TRPC3: variants seen among roughly 807,000 people sequenced by gnomAD.
The protein encoded by TRPC3 is short transient receptor potential channel 3.
In TRPC3, 54 loss-of-function variants were observed where a neutral mutation model predicts 90.9. That is an observed-to-expected ratio of 0.59 (90% CI 0.48 to 0.75). The LOEUF (loss-of-function observed/expected upper bound fraction) is 0.75. TRPC3 is among the 30% of genes least tolerant of loss of function. The probability of loss-of-function intolerance (pLI) is 0.00; values close to 1 mark genes in which losing one functional copy is unlikely to be tolerated. For missense variants in TRPC3, 918 were observed against 1,194.5 expected (o/e 0.77, Z 3.41); for synonymous variants, 424 against 450.9 (o/e 0.94, Z 0.75).
At chr4:121,882,749 A>T (rs1175404404) in intron 10 of TRPC3, among the ~76,000 whole-genome samples, 1 of 152,122 alleles carries the variant, frequency 6.6e-6, no homozygotes, top group Non-Finnish European at 1.5e-5. Context: ...TTGACACCAC[A>T]TTATCACCCA....
intron 10 of TRPC3, among the ~76,000 whole-genome samples, chr4:121,898,941 T>TA (rs1171966711): frequency 6.6e-6 from 1 of 152,018 alleles, no homozygotes; most frequent in African/African-American, 2.4e-5. Context: ...AAAAATTGGA[T>TA]AAAAAATAGA....
chr4:121,931,678 T>A (rs17005309), intron 2 of TRPC3, among the ~76,000 whole-genome samples: 1 of 152,164 alleles, frequency 6.6e-6, no homozygotes, highest in Non-Finnish European at 1.5e-5. Flanking sequence ...CATTTTGTCA[T>A]ATCAGTGAAG....
intron 2 of TRPC3, among the ~76,000 whole-genome samples, chr4:121,926,238 T>C (rs970334860): frequency 1.3e-5 from 2 of 152,150 alleles, no homozygotes; most frequent in East Asian, 1.9e-4. Context: ...CTGTACAACT[T>C]TGGACTGGCT....
chr4:121,946,843 T>C (rs895366194), intron 1 of TRPC3, among the ~76,000 whole-genome samples: 6 of 152,140 alleles, frequency 3.9e-5, no homozygotes, highest in African/African-American at 1.2e-4. Flanking sequence ...CACAGTGAAA[T>C]TGCTATATAC....
chr4:121,893,974 C>G (rs1728421817), intron 10 of TRPC3, among the ~76,000 whole-genome samples: 1 of 152,050 alleles, frequency 6.6e-6, no homozygotes, highest in South Asian at 2.1e-4. Flanking sequence ...AATAGGTGCT[C>G]TCATATATTT....
chr4:121,935,806 G>C (rs1730112444), intron 1 of TRPC3, among the ~76,000 whole-genome samples: 1 of 152,028 alleles, frequency 6.6e-6, no homozygotes. Context: ...TTTAATGATT[G>C]CTATCTACAG....
chr4:121,932,574 C>T lies in TRPC3; in HGVS notation c.684G>A (p.Thr228=), dbSNP rs1160991895. Residue 228 remains threonine (T), a synonymous_variant, in exon 2 of 12, where the codon ACG becomes ACA. Transcript: ENST00000379645. The surrounding 1 kb of genome is among the most constrained non-coding windows in gnomAD (Gnocchi z 7.7). ...TGGGGGTGATGTCCGGCGAGAAGCG[C>T]GTGCCGTCCTCGTCGTAAGCGTAGA... ...DDFYAYDEDG[T]RFSPDITPII... is the part of the protein sequence containing the mutation. The T allele has an allele frequency of 6.2e-7, 1 of 1,614,220 alleles. No homozygotes were observed. Among genetic ancestry groups the T allele is most frequent in the Non-Finnish European group, 8.5e-7 (1 of 1,180,038 alleles).
intron 3 of TRPC3, among the ~76,000 whole-genome samples, chr4:121,924,404 G>C (rs1016095061): frequency 6.6e-6 from 1 of 152,116 alleles, no homozygotes. Context: ...TTGTACATGA[G>C]GGAACTGAAA....
At chr4:121,886,100 G>T (rs1179428195) in intron 10 of TRPC3, among the ~76,000 whole-genome samples, 1 of 152,146 alleles carries the variant, frequency 6.6e-6, no homozygotes, top group Non-Finnish European at 1.5e-5. Context: ...TTAAGACTGG[G>T]AGAAGAAATA....
intron 3 of TRPC3, among the ~76,000 whole-genome samples, chr4:121,915,845 T>C (rs1350959817): frequency 6.6e-6 from 1 of 152,170 alleles, no homozygotes; most frequent in Non-Finnish European, 1.5e-5. Context: ...ATCTGCCCAT[T>C]TGTAGCTAGA....
intron 1 of TRPC3, among the ~76,000 whole-genome samples, chr4:121,950,295 G>T (rs1192866092): frequency 1.3e-5 from 2 of 152,226 alleles, no homozygotes; most frequent in Non-Finnish European, 2.9e-5. Context: ...CGCGATCCTG[G>T]GGATGCAGGG....
At chr4:121,882,168 A>G (rs1455807939) in intron 11 of TRPC3, among the ~76,000 whole-genome samples, 186 bp downstream of exon 11, 1 of 152,134 alleles carries the variant, frequency 6.6e-6, no homozygotes, top group East Asian at 1.9e-4. Flanking sequence ...CCTCTGATCA[A>G]TATTGTAAAT....
At position 121,875,671 on chromosome 4, in the gene TRPC3, T is replaced by C. The variant is rs13110350; in HGVS notation, c.*4065A>G. The stretch of plus-strand genomic sequence containing the variant: ...AGTAATTTATAACCTTATGTTATGG[T>C]GCTAAAGCAACCATTATGAGTATAA... On this transcript the variant is annotated 3_prime_UTR_variant, in exon 12 of 12. Coordinates refer to ENST00000379645, the MANE Select transcript of TRPC3 (RefSeq NM_001130698.2). 6.6e-6 allele frequency among the ~76,000 whole-genome samples: 1 copy of C among 151,782 alleles called. No homozygotes were observed. Among genetic ancestry groups the C allele is most frequent in the Non-Finnish European group, 1.5e-5 (1 of 67,876 alleles).
At chr4:121,915,397 A>T (rs1335518311) in intron 3 of TRPC3, among the ~76,000 whole-genome samples, 1 of 152,248 alleles carries the variant, frequency 6.6e-6, no homozygotes, top group Non-Finnish European at 1.5e-5. Context: ...AGCAACCCCT[A>T]AAATGCTACA....
rs543577460 is a variant in TRPC3 at position 121,949,610 on chromosome 4, A to C, written c.215+1856T>G. Among the ~76,000 whole-genome samples the C allele has an allele frequency of 1.4e-4, 21 of 152,320 alleles. No homozygotes were observed. The East Asian group carries it at 4.1e-3, about 29-fold the overall frequency. On this transcript the variant is annotated intron_variant, in intron 1 of 11. Transcript: ENST00000379645. Reference sequence around the variant, plus strand: ...GTTACAGAGATCAAGCTAGTCTCCGATGTTACCAAGTGACAGGCCTGAAAT... The same window carrying C: ...GTTACAGAGATCAAGCTAGTCTCCGCTGTTACCAAGTGACAGGCCTGAAAT...
intron 10 of TRPC3, among the ~76,000 whole-genome samples, chr4:121,882,693 G>A (rs1727984962): frequency 6.6e-6 from 1 of 152,012 alleles, no homozygotes; most frequent in African/African-American, 2.4e-5. Flanking sequence ...TTGAAGATTT[G>A]AATTCATGGC....
At chr4:121,916,796 C>T (rs959940663) in intron 3 of TRPC3, among the ~76,000 whole-genome samples, 2 of 152,088 alleles carry the variant, frequency 1.3e-5, no homozygotes, top group Non-Finnish European at 2.9e-5. Flanking sequence ...TCACCACAAC[C>T]TCCACCTCCC....
Position 121,879,775 on chromosome 4 carries a change from A to G in TRPC3, c.2727T>C (p.Leu909=). 6.2e-7 allele frequency: 1 copy of G among 1,609,088 alleles called. No homozygotes were observed. The change falls in exon 12 of 12, where the codon CTT becomes CTC. Residue 909 remains leucine, a synonymous_variant. Transcript: ENST00000379645. ...GCATGCTGGGATTCAGTTTCTCACTAAGTTTATGAATTAGAATGGCTAATT... is the reference window on the plus strand; with the variant it reads ...GCATGCTGGGATTCAGTTTCTCACTGAGTTTATGAATTAGAATGGCTAATT... The part of the protein sequence containing the change: ...TEELAILIHK[L]SEKLNPSMLR...
intron 9 of TRPC3, 129 bp from the exon 10 acceptor site, chr4:121,899,824 G>T: frequency 2.9e-6 from 2 of 696,962 alleles, no homozygotes; most frequent in Non-Finnish European, 4.8e-6. Flanking sequence ...TGGAAGTTGA[G>T]CTTTGTAAGT....
Sources: allele counts gnomAD v4.1 joint callset (sites outside exome capture counted in the v4.1 genomes callset), GRCh38; gene constraint gnomAD v4.1.1; non-coding constraint Gnocchi (gnomAD v3.1); transcripts MANE v1.5; gene names NCBI Gene and HGNC (gene_info 2026-07-23, HGNC 2026-07-21).